ADGRB3: variants seen among roughly 807,000 people sequenced by gnomAD.
The protein encoded by ADGRB3 is adhesion G protein-coupled receptor B3.
Under a neutral mutation model 193.4 loss-of-function variants are expected in ADGRB3, and 37 were observed. That is an observed-to-expected ratio of 0.19 (90% CI 0.15 to 0.25). The LOEUF (loss-of-function observed/expected upper bound fraction) is 0.25, where lower values mean the gene tolerates loss of function less well. Ranked by LOEUF, ADGRB3 falls within the 10% of genes least tolerant of loss-of-function variation. The probability of loss-of-function intolerance (pLI) is 1.00; values close to 1 mark genes in which losing one functional copy is unlikely to be tolerated. For synonymous variants in ADGRB3, 690 were observed against 644.2 expected (o/e 1.07, Z -1.08); for missense variants, 1,637 against 1,852.9 (o/e 0.88, Z 2.14).
chr6:68,883,508 A>G (rs955589841), intron 3 of ADGRB3, among the ~76,000 whole-genome samples: 1 of 152,186 alleles, frequency 6.6e-6, no homozygotes, highest in Non-Finnish European at 1.5e-5. Flanking sequence ...TACTGCCTTT[A>G]TGAGCTGTAA....
At chr6:68,845,696 C>T (rs993672452) in intron 3 of ADGRB3, among the ~76,000 whole-genome samples, 2 of 152,146 alleles carry the variant, frequency 1.3e-5, no homozygotes, top group African/African-American at 4.8e-5. Context: ...GTAAGAAGTG[C>T]CTTTCACCCT....
chr6:68,981,183 A>G (rs200695124), intron 10 of ADGRB3, among the ~76,000 whole-genome samples: 2 of 151,736 alleles, frequency 1.3e-5, no homozygotes, highest in African/African-American at 4.8e-5. Context: ...GAACCCAACA[A>G]TAACAAGGAA....
intron 2 of ADGRB3, among the ~76,000 whole-genome samples, chr6:68,637,928 G>A (rs1436174305): frequency 6.6e-6 from 1 of 152,020 alleles, no homozygotes; most frequent in Non-Finnish European, 1.5e-5. Flanking sequence ...CAATGGTGAT[G>A]TTGAACAACA....
At chr6:68,899,118 T>C (rs963895153) in intron 3 of ADGRB3, among the ~76,000 whole-genome samples, 2 of 152,126 alleles carry the variant, frequency 1.3e-5, no homozygotes, top group Non-Finnish European at 2.9e-5. Context: ...AAACTGCTTG[T>C]AGGTTATATG....
intron 23 of ADGRB3, chr6:69,331,513 G>A (rs1286274519): frequency 1.0e-6 from 1 of 984,858 alleles, no homozygotes; most frequent in South Asian, 4.7e-5. Flanking sequence ...ATTCTGATAT[G>A]TCTGTTTTTT....
At chr6:69,356,808 A>T (rs1196504895) in intron 28 of ADGRB3, among the ~76,000 whole-genome samples, 2 of 152,156 alleles carry the variant, frequency 1.3e-5, no homozygotes, top group Middle Eastern at 3.2e-3. Flanking sequence ...GTTGTATGCC[A>T]TAATCTCCCA....
chr6:68,645,974 A>G (rs1328230565), intron 3 of ADGRB3, among the ~76,000 whole-genome samples: 1 of 151,784 alleles, frequency 6.6e-6, no homozygotes, highest in Non-Finnish European at 1.5e-5. Flanking sequence ...TGGCCAGCCC[A>G]GTGCCCTTTT....
intron 10 of ADGRB3, among the ~76,000 whole-genome samples, chr6:68,982,358 T>C (rs1196570954): frequency 6.6e-6 from 1 of 151,950 alleles, no homozygotes; most frequent in African/African-American, 2.4e-5. Flanking sequence ...CAGTGAGGAG[T>C]TGATACTTTA....
At chr6:68,953,926 A>G (rs75299175) in intron 6 of ADGRB3, among the ~76,000 whole-genome samples, 5,136 of 152,320 alleles carry the variant, frequency 0.034, 291 homozygotes, top group African/African-American at 0.12. Flanking sequence ...GATCAAATTG[A>G]CTAAGAACAA....
intron 3 of ADGRB3, among the ~76,000 whole-genome samples, chr6:68,880,396 G>A (rs1765701555): frequency 6.6e-6 from 1 of 152,164 alleles, no homozygotes; most frequent in South Asian, 2.1e-4. Flanking sequence ...GAAATAACAT[G>A]CAAGTCAAAT....
chr6:68,676,524 A>T (rs570434436), intron 3 of ADGRB3, among the ~76,000 whole-genome samples: 2 of 152,206 alleles, frequency 1.3e-5, no homozygotes, highest in South Asian at 4.1e-4. Context: ...CTAATGCAAT[A>T]ACGACATTGC....
intron 30 of ADGRB3, among the ~76,000 whole-genome samples, chr6:69,380,441 C>T (rs961447411): frequency 6.6e-5 from 10 of 151,850 alleles, no homozygotes; most frequent in African/African-American, 1.2e-4. Context: ...AATAAGGGTG[C>T]CGTGCCTTTG....
chr6:69,259,758 C>G (rs1156317763), intron 20 of ADGRB3, among the ~76,000 whole-genome samples: 1 of 150,788 alleles, frequency 6.6e-6, no homozygotes, highest in African/African-American at 2.4e-5. Flanking sequence ...CCCTTATTCT[C>G]TATTCGCAAT....
intron 17 of ADGRB3, among the ~76,000 whole-genome samples, chr6:69,165,158 G>T (rs1302584010): frequency 6.6e-6 from 1 of 152,022 alleles, no homozygotes; most frequent in Non-Finnish European, 1.5e-5. Context: ...ACAAACAGTG[G>T]TTTTTCATTT....
chr6:69,052,593 TAATGCTTTGAATA>T (rs1237810254), intron 15 of ADGRB3, among the ~76,000 whole-genome samples: 3 of 152,232 alleles, frequency 2.0e-5, no homozygotes, highest in Non-Finnish European at 4.4e-5. Context: ...GGACTTGCTG[TAATGCTTTGAATA>T]AATATAGTTT....
chr6:69,354,973 GTTTTAC>G lies in ADGRB3; in HGVS notation c.3555+652_3555+657del, dbSNP rs1288305400. The stretch of plus-strand genomic sequence containing the variant: ...TTTAAAGCAGGAATTAAATAGGACA[GTTTTAC>G]TTTTACAGTATATTCAATTTATTAT... On this transcript the variant is annotated intron_variant, in intron 27 of 31. Coordinates refer to ENST00000370598, the MANE Select transcript of ADGRB3 (RefSeq NM_001704.3). Among the ~76,000 whole-genome samples, 8 of 152,144 alleles carry G rather than the reference GTTTTAC, an allele frequency of 5.3e-5. No individual in the cohort carries two copies. The East Asian group carries it at 1.2e-3, about 22-fold the overall frequency.
chr6:69,217,106 A>G (rs1765786026), intron 17 of ADGRB3, among the ~76,000 whole-genome samples: 1 of 152,168 alleles, frequency 6.6e-6, no homozygotes, highest in Non-Finnish European at 1.5e-5. Context: ...CAACTGAATG[A>G]ATGTGAGAAA....
chr6:69,309,350 T>C (rs1377641139), intron 20 of ADGRB3, among the ~76,000 whole-genome samples: 1 of 151,704 alleles, frequency 6.6e-6, no homozygotes, highest in Non-Finnish European at 1.5e-5. Context: ...GTAAGTGTTG[T>C]ATTATTATGA....
chr6:69,140,321 A>T (rs1410834077), intron 17 of ADGRB3, among the ~76,000 whole-genome samples: 2 of 152,252 alleles, frequency 1.3e-5, no homozygotes, highest in Non-Finnish European at 2.9e-5. Context: ...TTGCAATCTT[A>T]TATGATATAC....
Sources: gnomAD v4.1 joint callset for allele counts (sites outside exome capture counted in the v4.1 genomes callset) on GRCh38, gnomAD v4.1.1 for gene constraint, MANE v1.5 for transcripts, NCBI Gene and HGNC (gene_info 2026-07-23, HGNC 2026-07-21) for gene names.